The following SNX29 variants were observed in gnomAD, a reference collection of about 807,000 sequenced individuals.
The protein encoded by SNX29 is sorting nexin-29.
A neutral mutation model predicts 102.1 loss-of-function variants in SNX29; 78 were observed. The observed-to-expected ratio is 0.76, with a 90% confidence interval of 0.64 to 0.92. The LOEUF is 0.92. Ranked by LOEUF, SNX29 falls within the 40% of genes least tolerant of loss-of-function variation. SNX29 has a pLI of 0.00. For synonymous variants in SNX29, 580 were observed against 414.5 expected, an observed-to-expected ratio of 1.40 and a Z score of -4.85; for missense variants, 1,280 against 1,061.7, an observed-to-expected ratio of 1.21 and a Z score of -2.86.
intron 18 of SNX29, 94 bp from the exon 19 acceptor site, chr16:12,477,625 G>T: frequency 6.9e-7 from 1 of 1,442,356 alleles, no homozygotes; most frequent in Non-Finnish European, 9.5e-7. Context: ...TGTGACTCTT[G>T]CTGCAGTTGG....
chr16:12,086,349 T>A (rs1460046096), intron 11 of SNX29, among the ~76,000 whole-genome samples: 1 of 152,168 alleles, frequency 6.6e-6, no homozygotes, highest in African/African-American at 2.4e-5. Flanking sequence ...CGTTTCATTG[T>A]CACCAGCCAG....
At position 12,530,030 on chromosome 16, in the gene SNX29, GACTTTCCATGGGCA is replaced by G. The variant is rs201878284; in HGVS notation, c.2318+5191_2318+5204del. Among the ~76,000 whole-genome samples, 48 of 152,308 alleles carry G rather than the reference GACTTTCCATGGGCA, an allele frequency of 3.2e-4. No individual in the cohort carries two copies. The East Asian group carries it at 9.3e-3, about 29-fold the overall frequency. ...TGTTCAGTAAAGTGTCCATGCATGT[GACTTTCCATGGGCA>G]AGTGTGTCCCAGTTCGGCACCGTTC... On this transcript the variant is annotated intron_variant, in intron 20 of 20. Coordinates refer to ENST00000566228, the MANE Select transcript of SNX29 (RefSeq NM_032167.5).
At chr16:12,366,710 C>T (rs1397747452) in intron 16 of SNX29, among the ~76,000 whole-genome samples, 1 of 152,198 alleles carries the variant, frequency 6.6e-6, no homozygotes, top group African/African-American at 2.4e-5. Flanking sequence ...CTCCATTTCT[C>T]CTCCTGTTTT....
chr16:12,049,134 AT>A (rs770253495), intron 7 of SNX29, among the ~76,000 whole-genome samples: 8 of 152,168 alleles, frequency 5.3e-5, no homozygotes, highest in Admixed American at 1.3e-4. Context: ...TGGGGATGGC[AT>A]TTAAGGCCTC....
intron 15 of SNX29, among the ~76,000 whole-genome samples, chr16:12,348,267 T>G (rs539077939): frequency 3.2e-4 from 48 of 152,158 alleles, no homozygotes; most frequent in Non-Finnish European, 6.2e-4. Flanking sequence ...GATTTTCGTT[T>G]GAAGCTGTTG....
At chr16:12,555,997 G>C (rs567480446) in intron 20 of SNX29, among the ~76,000 whole-genome samples, 2 of 149,378 alleles carry the variant, frequency 1.3e-5, no homozygotes, top group East Asian at 2.0e-4. Flanking sequence ...TGTTTTTTTT[G>C]TTCACTTGTC....
rs186270864 is a variant in SNX29, at chr16:12,235,569, A to T, written c.1678+35886A>T. Among the ~76,000 whole-genome samples the T allele has an allele frequency of 6.6e-5, 10 of 151,862 alleles. No individual in the cohort carries two copies. The East Asian group carries it at 1.9e-3, about 29-fold the overall frequency. On this transcript the variant is annotated intron_variant, in intron 14 of 20. Transcript: ENST00000566228. ...TTTCCCAAGTTACTTTCCTATATTG[A>T]TATATTTTCACCTGCCTAACATTGG...
At chr16:12,481,467 C>CAT (rs2087916273) in intron 19 of SNX29, among the ~76,000 whole-genome samples, 1 of 72,512 alleles carries the variant, frequency 1.4e-5, no homozygotes, top group Admixed American at 1.6e-4. Context: ...TATATATATA[C>CAT]ACATATATAC....
At position 12,316,562 on chromosome 16, in the gene SNX29, C is replaced by T. The variant is rs1356390439; in HGVS notation, c.1782+38526C>T. Among the ~76,000 whole-genome samples the T allele has an allele frequency of 4.6e-5, 7 of 152,056 alleles. No individual in the cohort carries two copies. In the East Asian group the frequency reaches 1.4e-3, roughly 29 times the overall value. On this transcript the variant is annotated intron_variant, in intron 15 of 20. Coordinates refer to ENST00000566228, the MANE Select transcript of SNX29 (RefSeq NM_032167.5). Reference sequence around the variant, plus strand: ...CATTTCAAAAAACAACAAAAAAAGTCCTCTTCTTACCCAAATCGGGATCTT... The same window carrying T: ...CATTTCAAAAAACAACAAAAAAAGTTCTCTTCTTACCCAAATCGGGATCTT...
intron 18 of SNX29, among the ~76,000 whole-genome samples, chr16:12,430,426 G>A (rs1231860242): frequency 6.6e-6 from 1 of 152,140 alleles, no homozygotes; most frequent in Non-Finnish European, 1.5e-5. Context: ...AGACCTGAGG[G>A]GCAGTGACCT....
chr16:12,338,160 G>A (rs191808698), intron 15 of SNX29, among the ~76,000 whole-genome samples: 1 of 152,242 alleles, frequency 6.6e-6, no homozygotes, highest in Non-Finnish European at 1.5e-5. Flanking sequence ...GTGGGAGGCG[G>A]ATCAATTGTT....
intron 20 of SNX29, among the ~76,000 whole-genome samples, chr16:12,554,333 C>G (rs369199671): frequency 1.3e-5 from 2 of 151,920 alleles, no homozygotes; most frequent in African/African-American, 2.4e-5. Flanking sequence ...GACCAGATGT[C>G]TTTTGTTCTG....
rs2056207916 is a variant in SNX29 at position 11,999,462 on chromosome 16, A to G, written c.69+104A>G. 4.6e-6 allele frequency: 5 copies of G among 1,095,262 alleles called. No homozygotes were observed. The Admixed American group carries it at 8.4e-5, about 18-fold the overall frequency. 67.8% of individuals were successfully genotyped at this position (1,095,262 alleles called of 1,614,324 possible). A position where few individuals can be genotyped will look rare whatever the true frequency, so the allele number is the denominator to read the frequency against. On this transcript the variant is annotated intron_variant, in intron 2 of 20. Transcript: ENST00000566228. Reference sequence around the variant, plus strand: ...ACATACACAGACTAACTCCCACTTTATACCTGGGAACAGTGAAGTGATCTA... The same window carrying G: ...ACATACACAGACTAACTCCCACTTTGTACCTGGGAACAGTGAAGTGATCTA...
chr16:11,981,009 G>C (rs1476269232), intron 1 of SNX29, among the ~76,000 whole-genome samples: 1 of 148,830 alleles, frequency 6.7e-6, no homozygotes, highest in Admixed American at 6.7e-5. Context: ...CACCCAGGCT[G>C]GAGTGCTGGA....
At chr16:12,361,799 C>A (rs1044393399) in intron 16 of SNX29, among the ~76,000 whole-genome samples, 2 of 152,002 alleles carry the variant, frequency 1.3e-5, no homozygotes, top group Non-Finnish European at 2.9e-5. Context: ...ACCTTAGCAT[C>A]CCCATGCTAA....
At chr16:12,200,783 C>T (rs942420058) in intron 14 of SNX29, among the ~76,000 whole-genome samples, 1 of 152,224 alleles carries the variant, frequency 6.6e-6, no homozygotes, top group Non-Finnish European at 1.5e-5. Context: ...CCGCTCCCAG[C>T]CCACATGTCT....
At chr16:12,466,274 C>T (rs2087048071) in intron 18 of SNX29, among the ~76,000 whole-genome samples, 2 of 152,092 alleles carry the variant, frequency 1.3e-5, no homozygotes, top group Admixed American at 6.5e-5. Flanking sequence ...AAACAAAACC[C>T]ACAACTGCCA....
At chr16:12,341,485 C>T (rs1192393101) in intron 15 of SNX29, among the ~76,000 whole-genome samples, 1 of 152,196 alleles carries the variant, frequency 6.6e-6, no homozygotes, top group African/African-American at 2.4e-5. Context: ...ATTGGTTCTG[C>T]CACAGTAACA....
At chr16:12,047,729 C>T (rs1363827632) in intron 6 of SNX29, among the ~76,000 whole-genome samples, 2 of 147,776 alleles carry the variant, frequency 1.4e-5, no homozygotes, top group East Asian at 2.0e-4. Flanking sequence ...AGGATCTTGG[C>T]TCACCACAAC....
Sources: gnomAD v4.1 joint callset for allele counts (sites outside exome capture counted in the v4.1 genomes callset) on GRCh38, gnomAD v4.1.1 for gene constraint, MANE v1.5 for transcripts, NCBI Gene and HGNC (gene_info 2026-07-23, HGNC 2026-07-21) for gene names.